The following NUP93 variants were observed in gnomAD, a reference collection of about 807,000 sequenced individuals.
The protein encoded by NUP93 is nucleoporin 93.
Under a neutral mutation model 107.8 loss-of-function variants are expected in NUP93, and 55 were observed. The ratio of observed to expected loss-of-function variants is 0.51; its 90% CI spans 0.41 to 0.64. The LOEUF is 0.64. Among genes scored for constraint, NUP93 ranks in the 30% least tolerant of loss-of-function variants. The pLI is 0.00. For missense variants in NUP93, 937 were observed against 1,044.7 expected (o/e 0.90, Z 1.42); for synonymous variants, 390 against 397.5 (o/e 0.98, Z 0.22).
intron 4 of NUP93, among the ~76,000 whole-genome samples, chr16:56,803,680 A>T (rs1458341697): frequency 6.6e-6 from 1 of 152,044 alleles, no homozygotes; most frequent in African/African-American, 2.4e-5. Context: ...ACGGGAACAT[A>T]AATCAAAACC....
chr16:56,832,136 G>C (rs1224187145), intron 11 of NUP93, 129 bp downstream of exon 11: 3 of 1,287,926 alleles, frequency 2.3e-6, no homozygotes, highest in Non-Finnish European at 3.3e-6. Flanking sequence ...CTCGTCTCCT[G>C]TCCCCATTTT....
chr16:56,777,743 A>G (rs1465320424), intron 3 of NUP93, among the ~76,000 whole-genome samples: 1 of 152,220 alleles, frequency 6.6e-6, no homozygotes, highest in Non-Finnish European at 1.5e-5. Context: ...ACTGTTGGTA[A>G]TGATGCTTAG....
intron 3 of NUP93, among the ~76,000 whole-genome samples, chr16:56,763,162 A>G (rs1280776840): frequency 6.6e-6 from 1 of 152,220 alleles, no homozygotes; most frequent in African/African-American, 2.4e-5. Context: ...ACTCCATTTC[A>G]TATCCATGGG....
At chr16:56,834,511 G>A (rs762235482) in intron 15 of NUP93, 69 bp downstream of exon 15, 10 of 1,511,194 alleles carry the variant, frequency 6.6e-6, no homozygotes, top group Non-Finnish European at 7.3e-6. Context: ...ATTCCGTATT[G>A]CGTGTTTACT....
chr16:56,837,239 C>T (rs1351114619), intron 17 of NUP93, among the ~76,000 whole-genome samples: 2 of 152,200 alleles, frequency 1.3e-5, no homozygotes, highest in Admixed American at 6.5e-5. Context: ...ATTACATTCT[C>T]TCCTTTATCA....
In NUP93 at chr16:56,809,706, A is replaced by G. The variant is rs1049009211; in HGVS notation, c.489+4074A>G. Among the ~76,000 whole-genome samples the G allele has an allele frequency of 2.0e-5, 3 of 152,278 alleles. 1 individual carries two copies. The highest frequency in any genetic ancestry group is 2.0e-4 in the Admixed American group (3 of 15,298). ...GGCAAAGGGTAACTGCACATCCGGT[A>G]TCTATTCCTGGTTTGTTCCTGATTT... On this transcript the variant is annotated intron_variant, in intron 5 of 21. Transcript: ENST00000308159.
intron 3 of NUP93, among the ~76,000 whole-genome samples, chr16:56,770,907 TA>T (rs144413539): frequency 0.01 from 1,506 of 145,170 alleles, 29 homozygotes; most frequent in African/African-American, 0.036. Flanking sequence ...ACTGAAAAAT[TA>T]AAAAAAAAAA....
chr16:56,763,526 G>A (rs1424872503), intron 3 of NUP93, among the ~76,000 whole-genome samples: 2 of 125,760 alleles, frequency 1.6e-5, no homozygotes, highest in Non-Finnish European at 3.9e-5. Flanking sequence ...ATGTGTGGGT[G>A]TGTGTGTGTG....
chr16:56,744,564 C>T (rs1961791424), intron 1 of NUP93, among the ~76,000 whole-genome samples: 1 of 152,148 alleles, frequency 6.6e-6, no homozygotes, highest in Non-Finnish European at 1.5e-5. Context: ...TCCAGTTTTT[C>T]CCAAATATAG....
At chr16:56,780,849 C>T (rs554489571) in intron 3 of NUP93, among the ~76,000 whole-genome samples, 1 of 152,232 alleles carries the variant, frequency 6.6e-6, no homozygotes, top group Admixed American at 6.5e-5. Context: ...GTTCTATTTT[C>T]CTTTTGCAGT....
At chr16:56,808,180 A>ATATTT (rs1963198451) in intron 5 of NUP93, among the ~76,000 whole-genome samples, 1 of 118,084 alleles carries the variant, frequency 8.5e-6, no homozygotes, top group Admixed American at 9.2e-5. Flanking sequence ...ACTATATAAA[A>ATATTT]TATATAGTTA....
At chr16:56,837,503 A>T in intron 17 of NUP93, 105 bp from the exon 18 acceptor site, 1 of 886,090 alleles carries the variant, frequency 1.1e-6, no homozygotes, top group Non-Finnish European at 1.8e-6. Flanking sequence ...GCGGTAAAAA[A>T]TGTCACCCCA....
At chr16:56,756,004 G>A (rs1962011490) in intron 2 of NUP93, among the ~76,000 whole-genome samples, 2 of 152,208 alleles carry the variant, frequency 1.3e-5, no homozygotes, top group African/African-American at 2.4e-5. Flanking sequence ...GAGCCCAGGA[G>A]TTTGAGTCCA....
chr16:56,844,560 C>T lies in NUP93; in HGVS notation c.2411C>T (p.Ser804Phe), dbSNP rs1304254624. Residue 804 changes from serine to phenylalanine, a missense_variant, in exon 22 of 22, where the codon TCT (serine) becomes TTT (phenylalanine). Ser to Phe is a radical substitution (Grantham distance 155, BLOSUM62 -2). Transcript: ENST00000308159. ...TFAGMIPYRT[S>F]GDTNARLVQM... Reference sequence around the variant, plus strand: ...GCTGGAATGATACCATACCGAACGTCTGGGGACACCAATGCGAGGCTGGTG... The same window carrying T: ...GCTGGAATGATACCATACCGAACGTTTGGGGACACCAATGCGAGGCTGGTG... 3 of 1,586,324 alleles carry T rather than the reference C, an allele frequency of 1.9e-6. No homozygotes were observed. In the South Asian group the frequency reaches 3.4e-5, roughly 18 times the overall value.
chr16:56,753,579 T>A (rs1056756595), intron 2 of NUP93, among the ~76,000 whole-genome samples: 2 of 152,218 alleles, frequency 1.3e-5, no homozygotes, highest in South Asian at 4.1e-4. Flanking sequence ...AGAATCTACA[T>A]TTTTAACAAG....
At position 56,770,999 on chromosome 16, in the gene NUP93, C is replaced by T. The variant is rs150497858; in HGVS notation, c.297+12344C>T. 3.6e-3 allele frequency among the ~76,000 whole-genome samples: 550 copies of T among 152,116 alleles called. 2 individuals carry two copies. Among genetic ancestry groups the T allele is most frequent in the African/African-American group, 9.8e-3 (405 of 41,498 alleles). Reference sequence around the variant, plus strand: ...CACAGTCTGTTCCTTTATTCTGTAACGGAAAAGCTTCCTTATGTGCTAAAA... The same window carrying T: ...CACAGTCTGTTCCTTTATTCTGTAATGGAAAAGCTTCCTTATGTGCTAAAA... On this transcript the variant is annotated intron_variant, in intron 3 of 21. Transcript: ENST00000308159.
chr16:56,806,252 ATCTGACACCCAG>A (rs1256105228), intron 5 of NUP93, among the ~76,000 whole-genome samples: 1 of 151,566 alleles, frequency 6.6e-6, no homozygotes, highest in Non-Finnish European at 1.5e-5. Context: ...CATCTTGCCC[ATCTGACACCCAG>A]TCTCTTTCAC....
At chr16:56,836,168 T>G in intron 16 of NUP93, among the ~76,000 whole-genome samples, 1 of 142,134 alleles carries the variant, frequency 7.0e-6, no homozygotes, top group East Asian at 1.9e-4. Flanking sequence ...CCACTTGCTG[T>G]GTGTTTTTTC....
chr16:56,842,356 G>A (rs1964041937), intron 21 of NUP93, among the ~76,000 whole-genome samples: 2 of 152,092 alleles, frequency 1.3e-5, no homozygotes, highest in South Asian at 4.1e-4. Flanking sequence ...AGGTGAAGGG[G>A]CCATGTCTGG....
Sources: gnomAD v4.1 joint callset for allele counts (sites outside exome capture counted in the v4.1 genomes callset) on GRCh38, gnomAD v4.1.1 for gene constraint, MANE v1.5 for transcripts, NCBI Gene and HGNC (gene_info 2026-07-23, HGNC 2026-07-21) for gene names.